ABCA5: variants seen among roughly 807,000 people sequenced by gnomAD.
ABCA5 encodes cholesterol transporter ABCA5.
A neutral mutation model predicts 206.0 loss-of-function variants in ABCA5; 163 were observed. The observed-to-expected ratio is 0.79, with a 90% CI of 0.70 to 0.90. The LOEUF is 0.90. Among genes scored for constraint, ABCA5 ranks in the 40% least tolerant of loss-of-function variants. ABCA5 has a pLI of 0.00. For missense variants in ABCA5, 1,859 were observed against 1,912.9 expected (o/e 0.97, Z 0.53); for synonymous variants, 609 against 613.8 (o/e 0.99, Z 0.11).
At chr17:69,271,419 C>T in intron 20 of ABCA5, 130 bp from the exon 21 acceptor site, 1 of 1,010,548 alleles carries the variant, frequency 9.9e-7, no homozygotes, top group Non-Finnish European at 1.4e-6. Context: ...AGTACATTGG[C>T]TCTGAAGCCA....
intron 20 of ABCA5, among the ~76,000 whole-genome samples, chr17:69,273,706 T>G (rs560324907): frequency 5.9e-5 from 9 of 152,224 alleles, no homozygotes; most frequent in Admixed American, 3.9e-4. Context: ...TCCACCCGCC[T>G]TGGCCTCCCA....
intron 6 of ABCA5, among the ~76,000 whole-genome samples, chr17:69,305,174 T>A (rs544769804): frequency 6.3e-4 from 96 of 152,328 alleles, no homozygotes; most frequent in African/African-American, 2.3e-3. Context: ...AACAATTTTC[T>A]TTATGGCATG....
rs760526804 is a variant in ABCA5, at chr17:69,255,752, G to T, written c.3957C>A (p.Ile1319=). ...ACCAGCCTTTTTTCACACAGAAAGA[G>T]ATGTATTTAGTTGCCACTTTCTTTA... is the stretch of plus-strand genomic sequence containing the variant. ...RKVKKVATKY[I]SFCVKKGEIL... The change falls in exon 30 of 39, where the codon ATC becomes ATA. Residue 1319 remains isoleucine, a synonymous_variant. Transcript: ENST00000392676. 35 of 1,592,844 alleles carry T rather than the reference G, an allele frequency of 2.2e-5. No individual in the cohort carries two copies. The highest frequency in any genetic ancestry group is 3.0e-5 in the Non-Finnish European group (35 of 1,174,016).
intron 24 of ABCA5, 36 bp from the exon 25 acceptor site, chr17:69,261,784 A>G (rs767418940): frequency 2.4e-6 from 2 of 834,192 alleles, no homozygotes; most frequent in East Asian, 3.0e-5. Flanking sequence ...AAAAATATGA[A>G]TAGCTTGCAA....
chr17:69,272,470 T>C (rs961906763), intron 20 of ABCA5, among the ~76,000 whole-genome samples: 1 of 151,876 alleles, frequency 6.6e-6, no homozygotes, highest in Non-Finnish European at 1.5e-5. Context: ...CAATGAGAAT[T>C]AACTCAAAGC....
chr17:69,271,395 C>G (rs940923847), intron 20 of ABCA5, 106 bp from the exon 21 acceptor site: 1 of 1,230,052 alleles, frequency 8.1e-7, no homozygotes, highest in Admixed American at 2.8e-5. Context: ...TTTTCATTAG[C>G]GAATACGCAA....
At chr17:69,280,777 T>C (rs112221036) in intron 18 of ABCA5, among the ~76,000 whole-genome samples, 13 of 151,568 alleles carry the variant, frequency 8.6e-5, no homozygotes, top group East Asian at 1.9e-4. Context: ...AGTAAACTAT[T>C]GCAAGAACAA....
intron 11 of ABCA5, among the ~76,000 whole-genome samples, chr17:69,294,285 G>A (rs571101305): frequency 2.0e-5 from 3 of 152,184 alleles, no homozygotes; most frequent in Non-Finnish European, 4.4e-5. Context: ...CACTTTAGGA[G>A]GCTGAGGCGG....
intron 35 of ABCA5, 169 bp from the exon 36 acceptor site, chr17:69,250,790 T>A (rs534018448): frequency 2.6e-6 from 1 of 388,176 alleles, no homozygotes; most frequent in South Asian, 5.5e-5. Flanking sequence ...GTTTCCCTAA[T>A]CTTATCATCT....
chr17:69,279,811 G>A (rs2075372201), intron 18 of ABCA5, among the ~76,000 whole-genome samples: 1 of 152,200 alleles, frequency 6.6e-6, no homozygotes. Flanking sequence ...AAATGGTGCT[G>A]GGAAAACTAG....
At chr17:69,293,671 C>G (rs2075551817) in intron 11 of ABCA5, among the ~76,000 whole-genome samples, 1 of 152,062 alleles carries the variant, frequency 6.6e-6, no homozygotes, top group Non-Finnish European at 1.5e-5. Flanking sequence ...GAGTGTGCAG[C>G]CTGTCAGCCT....
At chr17:69,290,795 T>A (rs2075517216) in intron 12 of ABCA5, among the ~76,000 whole-genome samples, 1 of 152,130 alleles carries the variant, frequency 6.6e-6, no homozygotes, top group South Asian at 2.1e-4. Context: ...TTTTGAGGTA[T>A]GCCTTTAAAA....
chr17:69,253,596 A>ATC lies in ABCA5; in HGVS notation c.4390_4391dup (p.Asp1464GlufsTer26). 6.2e-7 allele frequency: 1 copy of ATC among 1,613,746 alleles called. No homozygotes were observed. On this transcript the variant is annotated frameshift_variant, in exon 34 of 39. Coordinates refer to ENST00000392676, the MANE Select transcript of ABCA5 (RefSeq NM_172232.4). LOFTEE classifies it high-confidence loss of function. ...ACCACATGTGCTGTTTGGCTTTGGG[A>ATC]TCCATACCTGTAGATGGTTCATCTA... is the stretch of plus-strand genomic sequence containing the variant.
At chr17:69,258,327 A>T (rs544669543) in intron 28 of ABCA5, among the ~76,000 whole-genome samples, 123 of 152,314 alleles carry the variant, frequency 8.1e-4, no homozygotes, top group African/African-American at 2.9e-3. Context: ...ACACCATGGA[A>T]TACTCCACAG....
intron 1 of ABCA5, among the ~76,000 whole-genome samples, chr17:69,319,299 C>T (rs1302184786): frequency 6.6e-6 from 1 of 152,158 alleles, no homozygotes; most frequent in East Asian, 1.9e-4. Flanking sequence ...ATTATTAATC[C>T]ACTTTGAATG....
chr17:69,303,570 C>T (rs1258183546), intron 7 of ABCA5, among the ~76,000 whole-genome samples: 1 of 145,316 alleles, frequency 6.9e-6, no homozygotes, highest in Non-Finnish European at 1.5e-5. Flanking sequence ...ATTTTAAGTA[C>T]AAGACCCATA....
intron 1 of ABCA5, among the ~76,000 whole-genome samples, chr17:69,319,436 AC>A (rs2075845396): frequency 6.6e-6 from 1 of 152,082 alleles, no homozygotes; most frequent in Admixed American, 6.6e-5. Flanking sequence ...TGTCTAAAAA[AC>A]CTGCCCACCC....
intron 29 of ABCA5, 129 bp from the exon 30 acceptor site, chr17:69,255,979 C>A: frequency 1.8e-6 from 2 of 1,091,932 alleles, no homozygotes; most frequent in South Asian, 1.9e-5. Context: ...AAATAAATAT[C>A]CATTTATGAC....
At chr17:69,296,624 T>C (rs1015702619) in intron 10 of ABCA5, among the ~76,000 whole-genome samples, 12 of 152,252 alleles carry the variant, frequency 7.9e-5, no homozygotes, top group African/African-American at 2.7e-4. Flanking sequence ...AAACATTAAT[T>C]GTATAAACAT....
Sources: gnomAD v4.1 joint callset for allele counts (sites outside exome capture counted in the v4.1 genomes callset) on GRCh38, gnomAD v4.1.1 for gene constraint, MANE v1.5 for transcripts, NCBI Gene and HGNC (gene_info 2026-07-23, HGNC 2026-07-21) for gene names.